The following ABCC12 variants were observed in gnomAD, a reference collection of about 807,000 sequenced individuals.
ABCC12 encodes the protein ATP-binding cassette sub-family C member 12.
Under a neutral mutation model 151.1 loss-of-function variants are expected in ABCC12, and 142 were observed. That is an observed-to-expected ratio of 0.94 (90% CI 0.82 to 1.08). ABCC12 has a LOEUF of 1.08. Among genes scored for constraint, ABCC12 ranks in the 50% least tolerant of loss-of-function variants. The probability of loss-of-function intolerance (pLI) is 0.00; values close to 1 mark genes in which losing one functional copy is unlikely to be tolerated. For missense variants in ABCC12, 1,638 were observed against 1,691.1 expected (o/e 0.97, Z 0.55); for synonymous variants, 645 against 646.4 (o/e 1.00, Z 0.03).
At chr16:48,084,152 A>C (rs1298025079) in intron 29 of ABCC12, 79 bp from the exon 30 acceptor site, 1 of 1,400,944 alleles carries the variant, frequency 7.1e-7, no homozygotes, top group African/African-American at 1.5e-5. Context: ...ACTTTAAAAA[A>C]AAGAAGAAGA....
At chr16:48,139,403 T>G (rs1209411998) in intron 6 of ABCC12, 67 bp from the exon 7 acceptor site, 1 of 1,508,782 alleles carries the variant, frequency 6.6e-7, no homozygotes, top group Non-Finnish European at 8.9e-7. Context: ...AAATGAAGGC[T>G]TTCAGATTGG....
Position 48,146,287 on chromosome 16 carries a change from T to C in ABCC12, c.119+19A>G, listed in dbSNP as rs74018280. On this transcript the variant is annotated intron_variant, in intron 3 of 30. Transcript: ENST00000311303. ...GAGGTCCTGCCCTGGCCCTCCCTTC[T>C]GTCCTTCTTCTGACTTACCTTGCAC... The C allele has an allele frequency of 6.0e-3, 9,602 of 1,612,118 alleles. 457 individuals are homozygous for C. The African/African-American group carries it at 0.11, about 19-fold the overall frequency.
chr16:48,091,252 CCTT>C, intron 24 of ABCC12, 43 bp from the exon 25 acceptor site: 1 of 1,573,638 alleles, frequency 6.4e-7, no homozygotes, highest in Non-Finnish European at 8.7e-7. Context: ...GCCCCTTCCT[CCTT>C]CGGGTTCTGC....
chr16:48,085,445 C>T (rs865796628), intron 29 of ABCC12, 148 bp downstream of exon 29: 1 of 681,914 alleles, frequency 1.5e-6, no homozygotes, highest in Middle Eastern at 2.7e-4. Flanking sequence ...TCCCTCACAA[C>T]TTTGTCTTAA....
In ABCC12 at chr16:48,152,239, C is replaced by A. The variant is rs546884577; in HGVS notation, c.-51+1377G>T. Among the ~76,000 whole-genome samples the A allele has an allele frequency of 7.2e-5, 11 of 152,280 alleles. 1 individual carries two copies. In the South Asian group the frequency reaches 2.3e-3, roughly 32 times the overall value. The stretch of plus-strand genomic sequence containing the variant: ...CTTCAGGAGACAGAGGGAGGCTATC[C>A]ACTGCAGAGATGCTGGGGCTGAAAA... On this transcript the variant is annotated intron_variant, in intron 2 of 30. Transcript: ENST00000311303.
At position 48,086,788 on chromosome 16, in the gene ABCC12, C is replaced by T. The variant is rs373791056; in HGVS notation, c.3667G>A (p.Asp1223Asn). The T allele has an allele frequency of 1.8e-5, 29 of 1,613,846 alleles. No individual in the cohort carries two copies. The highest frequency in any genetic ancestry group is 2.3e-5 in the Non-Finnish European group (27 of 1,179,924). Residue 1223 changes from aspartate to asparagine, a missense_variant, in exon 28 of 31, where the codon GAT becomes AAT. Physicochemically the swap from Asp to Asn is conservative, Grantham distance 23. Transcript: ENST00000311303. ...TCCAGAACCTGCCAGAGCATCTCAT[C>T]GGTGTGACTCTCAAAGGGATCCAAG... ...YNLDPFESHTDEMLWQVLERT... is the reference protein window; with the variant it reads ...YNLDPFESHTNEMLWQVLERT...
At chr16:48,149,744 C>T (rs935278390) in intron 2 of ABCC12, among the ~76,000 whole-genome samples, 6 of 152,128 alleles carry the variant, frequency 3.9e-5, no homozygotes, top group African/African-American at 1.2e-4. Context: ...AAAGAATTCT[C>T]AATACATTAA....
At chr16:48,107,752 AG>A (rs1251795748) in intron 19 of ABCC12, among the ~76,000 whole-genome samples, 2 of 152,258 alleles carry the variant, frequency 1.3e-5, no homozygotes, top group Admixed American at 6.5e-5. Context: ...CTGTAATCCC[AG>A]CACTTTGGGA....
rs1305590044 is a variant in ABCC12, at chr16:48,084,166, A to AGAT, written c.3829-94_3829-93insATC. 3.1e-6 allele frequency: 4 copies of AGAT among 1,295,454 alleles called. No homozygotes were observed. The African/African-American group carries it at 6.1e-5, about 20-fold the overall frequency. The allele number at this position is 1,295,454 out of a possible 1,614,324, so 80.2% of individuals were successfully genotyped here. On this transcript the variant is annotated intron_variant, in intron 29 of 30. Transcript: ENST00000311303. ...TACTTTAAAAAAAAGAAGAAGAAGA[A>AGAT]AAATAAGACCACAAGATGAAAAGTA...
chr16:48,124,293 GA>G lies in ABCC12; in HGVS notation c.1516-10del. On this transcript the variant is annotated splice_polypyrimidine_tract_variant and intron_variant, in intron 11 of 30. Coordinates refer to ENST00000311303, the MANE Select transcript of ABCC12 (RefSeq NM_001393797.1). ...ATTCCCAAGATCTTCCCCTGCCAGAGAAACAGAGATGGGACACAGTCACTCT... is the reference window on the plus strand; with the variant it reads ...ATTCCCAAGATCTTCCCCTGCCAGAGAACAGAGATGGGACACAGTCACTCT... 1 of 1,613,778 alleles carries G rather than the reference GA, an allele frequency of 6.2e-7. No individual in the cohort carries two copies. The highest frequency in any genetic ancestry group is 8.5e-7 in the Non-Finnish European group (1 of 1,179,686).
chr16:48,111,353 G>A (rs1435173890), intron 18 of ABCC12, 83 bp downstream of exon 18: 1 of 1,487,320 alleles, frequency 6.7e-7, no homozygotes, highest in South Asian at 1.2e-5. Context: ...GACATGCACA[G>A]TGTCTACACT....
At chr16:48,120,149 A>G (rs1964018796) in intron 13 of ABCC12, among the ~76,000 whole-genome samples, 1 of 152,256 alleles carries the variant, frequency 6.6e-6, no homozygotes, top group Non-Finnish European at 1.5e-5. Context: ...GCAGCCGTAA[A>G]AAAGAACAAA....
intron 2 of ABCC12, among the ~76,000 whole-genome samples, chr16:48,149,564 C>G (rs1965090291): frequency 6.6e-6 from 1 of 152,246 alleles, no homozygotes; most frequent in South Asian, 2.1e-4. Context: ...TATTTATGAT[C>G]TTATGATAGG....
chr16:48,139,852 C>T (rs764292549), intron 6 of ABCC12, among the ~76,000 whole-genome samples: 6 of 152,192 alleles, frequency 3.9e-5, no homozygotes, highest in Non-Finnish European at 7.3e-5. Flanking sequence ...CCTCTTTCTC[C>T]TACCACCTGT....
chr16:48,107,220 G>T, intron 20 of ABCC12, 102 bp downstream of exon 20: 1 of 1,108,352 alleles, frequency 9.0e-7, no homozygotes, highest in Non-Finnish European at 1.4e-6. Flanking sequence ...AGGGATGCAT[G>T]TGGGCTCATG....
At chr16:48,100,741 C>T (rs1443264030) in intron 23 of ABCC12, 131 bp downstream of exon 23, 4 of 1,157,460 alleles carry the variant, frequency 3.5e-6, no homozygotes, top group Non-Finnish European at 4.7e-6. Context: ...TTCAAGGACT[C>T]CTCCTGATTC....
chr16:48,105,127 T>A lies in ABCC12; in HGVS notation c.2673+12A>T, dbSNP rs1567447761. The A allele has an allele frequency of 4.3e-6, 7 of 1,614,084 alleles. No individual in the cohort carries two copies. The East Asian group carries it at 1.6e-4, about 36-fold the overall frequency. Reference sequence around the variant, plus strand: ...GAATAACTGGGTACACCTGCAATGCTTGTGGCCCTACCTTATCAAACACCG... The same window carrying A: ...GAATAACTGGGTACACCTGCAATGCATGTGGCCCTACCTTATCAAACACCG... On this transcript the variant is annotated intron_variant, in intron 21 of 30. Transcript: ENST00000311303.
At chr16:48,091,474 C>T (rs1027413176) in intron 24 of ABCC12, among the ~76,000 whole-genome samples, 1 of 152,200 alleles carries the variant, frequency 6.6e-6, no homozygotes, top group Admixed American at 6.5e-5. Flanking sequence ...GAATCATCTC[C>T]CCACAGAACC....
intron 1 of ABCC12, among the ~76,000 whole-genome samples, chr16:48,154,247 C>T (rs926552332): frequency 6.6e-6 from 1 of 152,164 alleles, no homozygotes; most frequent in African/African-American, 2.4e-5. Context: ...AGCAGGAAGG[C>T]CTCTGTTTAG....
Sources: gnomAD v4.1 joint callset for allele counts (sites outside exome capture counted in the v4.1 genomes callset) on GRCh38, gnomAD v4.1.1 for gene constraint, MANE v1.5 for transcripts, NCBI Gene and HGNC (gene_info 2026-07-23, HGNC 2026-07-21) for gene names.